CDH3: variants seen among roughly 807,000 people sequenced by gnomAD.
CDH3 encodes cadherin-3.
A neutral mutation model predicts 82.0 loss-of-function variants in CDH3; 54 were observed. The ratio of observed to expected loss-of-function variants is 0.66; its 90% confidence interval spans 0.53 to 0.83. The LOEUF is 0.83. Among genes scored for constraint, CDH3 ranks in the 40% least tolerant of loss-of-function variants. The pLI is 0.00. For missense variants in CDH3, 1,054 were observed against 1,084.6 expected, an observed-to-expected ratio of 0.97 and a Z score of 0.40; for synonymous variants, 446 against 437.9, an observed-to-expected ratio of 1.02 and a Z score of -0.23.
intron 1 of CDH3, among the ~76,000 whole-genome samples, chr16:68,712,912 C>G (rs1962048281): frequency 6.6e-6 from 1 of 152,068 alleles, no homozygotes; most frequent in Non-Finnish European, 1.5e-5. Context: ...GAACTCCTGA[C>G]CTCAGGTGAT....
chr16:68,673,583 CA>C (rs952517412), intron 2 of CDH3, among the ~76,000 whole-genome samples: 20 of 152,076 alleles, frequency 1.3e-4, no homozygotes, highest in Admixed American at 2.6e-4. Flanking sequence ...TTCAGCCTCC[CA>C]AGTTGCTGGA....
In CDH3 at chr16:68,685,281, C is replaced by G. The variant is rs1201887741; in HGVS notation, c.1501C>G (p.Leu501Val). 6.2e-7 allele frequency: 1 copy of G among 1,614,162 alleles called. No homozygotes were observed. The highest frequency in any genetic ancestry group is 8.5e-7 in the Non-Finnish European group (1 of 1,180,024). ...TGGGCAGGTCACAGCTGTGGGCACC[C>G]TCGACCGTGAGGATGAGCAGTTTGT... ...DSGQVTAVGT[L>V]DREDEQFVRN... Residue 501 changes from leucine (L) to valine (V), a missense_variant, in exon 11 of 16, where the codon CTC (leucine) becomes GTC (valine). Physicochemically the swap from Leu to Val is conservative, Grantham distance 32. Coordinates refer to ENST00000264012, the MANE Select transcript of CDH3 (RefSeq NM_001793.6).
chr16:68,666,792 C>T (rs945368154), intron 2 of CDH3, among the ~76,000 whole-genome samples: 2 of 151,976 alleles, frequency 1.3e-5, no homozygotes, highest in African/African-American at 4.8e-5. Context: ...ATACTTTTTC[C>T]TGGGTAGGTT....
At chr16:68,728,712 G>T (rs1308560645), downstream of CDH3, among the ~76,000 whole-genome samples, 4 of 152,176 alleles carry the variant, frequency 2.6e-5, no homozygotes, top group East Asian at 7.7e-4. Flanking sequence ...TGAGCTAATG[G>T]ATGGGAACAG....
intron 1 of CDH3, among the ~76,000 whole-genome samples, chr16:68,713,277 T>C (rs1962052895): frequency 6.6e-6 from 1 of 152,156 alleles, no homozygotes; most frequent in Admixed American, 6.6e-5. Flanking sequence ...AATAATTCAG[T>C]TGACCCTCAA....
Position 68,695,383 on chromosome 16 carries a change from C to G in CDH3, c.2131C>G (p.Gln711Glu). 1 of 1,609,060 alleles carries G rather than the reference C, an allele frequency of 6.2e-7. No individual in the cohort carries two copies. Among genetic ancestry groups the G allele is most frequent in the South Asian group, 1.1e-5 (1 of 90,288 alleles). The change falls in exon 14 of 16, where the codon CAG (glutamine) becomes GAG (glutamate). Residue 711 changes from glutamine (Q) to glutamate (E), a missense_variant and splice_region_variant. Coordinates refer to ENST00000264012, the MANE Select transcript of CDH3 (RefSeq NM_001793.6). Reference protein sequence around the residue: ...YGEEGGGEEDQDYDITQLHRG... With the variant: ...YGEEGGGEEDEDYDITQLHRG... ...CGAAGAGGGGGGTGGCGAAGAGGAC[C>G]AGGTGGGGCACTGGGGGCTCTGGGA...
At position 68,698,508 on chromosome 16, in the gene CDH3, G is replaced by A. The variant is rs922393690; in HGVS notation, c.*108G>A. ...CTTCGGAGCTTGTCAGGAAGTGGCCGTAGCAACTTGGCGGAGACAGGCTAT... is the reference window on the plus strand; with the variant it reads ...CTTCGGAGCTTGTCAGGAAGTGGCCATAGCAACTTGGCGGAGACAGGCTAT... On this transcript the variant is annotated 3_prime_UTR_variant, in exon 16 of 16. Coordinates refer to ENST00000264012, the MANE Select transcript of CDH3 (RefSeq NM_001793.6). 1.2e-5 allele frequency: 12 copies of A among 986,574 alleles called. No homozygotes were observed. Among genetic ancestry groups the A allele is most frequent in the African/African-American group, 8.0e-5 (5 of 62,354 alleles). The allele number at this position is 986,574 out of a possible 1,614,324, so 61.1% of individuals were successfully genotyped here.
chr16:68,672,205 T>A (rs867597815), intron 2 of CDH3, among the ~76,000 whole-genome samples: 2,175 of 143,696 alleles, frequency 0.015, 29 homozygotes, highest in Middle Eastern at 0.025. Context: ...AAAAAAAAAA[T>A]AAATAAATAA....
rs1171469638 is a variant in CDH3, at chr16:68,658,088, C to G, written c.160+12338C>G. ...TTTTTTTTTTTTTTTTTTTTAGAGA[C>G]AGGGTCTCACTATGTTGCCCAGGCT... On this transcript the variant is annotated intron_variant, in intron 2 of 15. Coordinates refer to ENST00000264012, the MANE Select transcript of CDH3 (RefSeq NM_001793.6). Among the ~76,000 whole-genome samples the G allele has an allele frequency of 8.1e-5, 11 of 135,952 alleles. No individual in the cohort carries two copies. The East Asian group carries it at 1.5e-3, about 19-fold the overall frequency. 89.2% of individuals were successfully genotyped at this position (135,952 alleles called of 152,430 possible).
intron 13 of CDH3, among the ~76,000 whole-genome samples, chr16:68,694,339 C>T (rs941930460): frequency 5.4e-5 from 8 of 147,140 alleles, no homozygotes; most frequent in Non-Finnish European, 9.0e-5. Flanking sequence ...AAAAAAATTC[C>T]GGCCAGGCGC....
chr16:68,718,532 A>C (rs1379155062), intron 1 of CDH3, among the ~76,000 whole-genome samples: 2 of 151,834 alleles, frequency 1.3e-5, no homozygotes, highest in Non-Finnish European at 2.9e-5. Context: ...ATACAAAAAA[A>C]TTAGCCAGGT....
chr16:68,714,256 C>A (rs1273413803), intron 1 of CDH3, among the ~76,000 whole-genome samples: 1 of 152,176 alleles, frequency 6.6e-6, no homozygotes, highest in East Asian at 1.9e-4. Flanking sequence ...CTTGAGCTCA[C>A]TGAGCACCTT....
rs189277078 is a variant in CDH3 at position 68,667,049 on chromosome 16, C to A, written c.161-9336C>A. 5.9e-5 allele frequency among the ~76,000 whole-genome samples: 9 copies of A among 152,222 alleles called. No individual in the cohort carries two copies. The East Asian group carries it at 1.7e-3, about 29-fold the overall frequency. On this transcript the variant is annotated intron_variant, in intron 2 of 15. Transcript: ENST00000264012. The stretch of plus-strand genomic sequence containing the variant: ...CAGAAAGGTTGTGCCAGTTAATATT[C>A]CCCCACCCCTAGCAATATATAGCAG...
rs1339222683 is a variant in CDH3, at chr16:68,645,618, C to T, written c.46-18C>T. 9.1e-6 allele frequency: 14 copies of T among 1,537,372 alleles called. No individual in the cohort carries two copies. The highest frequency in any genetic ancestry group is 2.1e-4 in the Middle Eastern group (1 of 4,678). On this transcript the variant is annotated intron_variant, in intron 1 of 15. Coordinates refer to ENST00000264012, the MANE Select transcript of CDH3 (RefSeq NM_001793.6). ...ACGCCTGGACCCAGCCTCCTTCACTCTCTGCCCTCGGGCGCAGGTTTGCTG... is the reference window on the plus strand; with the variant it reads ...ACGCCTGGACCCAGCCTCCTTCACTTTCTGCCCTCGGGCGCAGGTTTGCTG...
intron 15 of CDH3, among the ~76,000 whole-genome samples, chr16:68,697,238 C>T (rs558697657): frequency 4.6e-5 from 7 of 151,572 alleles, no homozygotes; most frequent in South Asian, 2.1e-4. Flanking sequence ...GCAGGAGAAT[C>T]GCTTGAACCC....
At chr16:68,652,133 G>A (rs1480809499) in intron 2 of CDH3, among the ~76,000 whole-genome samples, 2 of 152,180 alleles carry the variant, frequency 1.3e-5, no homozygotes, top group Admixed American at 1.3e-4. Flanking sequence ...CAGAAGGCCA[G>A]GAATTAAACC....
At chr16:68,711,400 G>A (rs1196428370) in intron 1 of CDH3, among the ~76,000 whole-genome samples, 1 of 152,198 alleles carries the variant, frequency 6.6e-6, no homozygotes, top group Admixed American at 6.5e-5. Flanking sequence ...GAGGAGGGCA[G>A]TGCAGAGTTC....
At chr16:68,686,628 A>T in intron 11 of CDH3, 1 of 1,038,020 alleles carries the variant, frequency 9.6e-7, no homozygotes, top group East Asian at 2.4e-5. Context: ...GTAGTTCTAG[A>T]TGACAAGGAT....
In CDH3 at chr16:68,684,801, T is replaced by C; in HGVS notation, c.1401T>C (p.Pro467=). ...EPVCVYTAED[P]DKENQKISYR... is the part of the protein sequence containing the mutation. ...TGTGTGTCTACACTGCAGAAGACCC[T>C]GACAAGGAGAATCAAAAGATCAGGT... is the stretch of plus-strand genomic sequence containing the variant. The change falls in exon 10 of 16, where the codon CCT becomes CCC. Residue 467 remains proline (P), a synonymous_variant. Coordinates refer to ENST00000264012, the MANE Select transcript of CDH3 (RefSeq NM_001793.6). 6.2e-7 allele frequency: 1 copy of C among 1,614,148 alleles called. No homozygotes were observed. Among genetic ancestry groups the C allele is most frequent in the Non-Finnish European group, 8.5e-7 (1 of 1,180,028 alleles).
Sources: gnomAD v4.1 joint callset for allele counts (sites outside exome capture counted in the v4.1 genomes callset) on GRCh38, gnomAD v4.1.1 for gene constraint, MANE v1.5 for transcripts, NCBI Gene and HGNC (gene_info 2026-07-23, HGNC 2026-07-21) for gene names.